The following CECR2 variants were observed in gnomAD, a reference collection of about 807,000 sequenced individuals.
The protein encoded by CECR2 is chromatin remodeling regulator CECR2.
Under a neutral mutation model 154.5 loss-of-function variants are expected in CECR2, and 30 were observed. The ratio of observed to expected loss-of-function variants is 0.19; its 90% CI spans 0.15 to 0.26. The LOEUF (loss-of-function observed/expected upper bound fraction) is 0.26, where lower values mean the gene tolerates loss of function less well. CECR2 is among the 10% of genes least tolerant of loss of function. The pLI is 1.00. For synonymous variants in CECR2, 725 were observed against 683.7 expected, an observed-to-expected ratio of 1.06 and a Z score of -0.94; for missense variants, 1,743 against 1,829.3, an observed-to-expected ratio of 0.95 and a Z score of 0.86.
rs1479951265 is a variant in CECR2 at position 17,552,041 on chromosome 22, C to T, written c.4288C>T (p.His1430Tyr). 1.9e-6 allele frequency: 3 copies of T among 1,613,826 alleles called. No individual in the cohort carries two copies. In the African/African-American group the frequency reaches 4.0e-5, roughly 22 times the overall value. Reference protein sequence around the residue: ...EMYRPSGMQMHPVQSQASFPK... With the variant: ...EMYRPSGMQMYPVQSQASFPK... ...TTCTCGTGGCTGTAGAATGCAGATGCACCCGGTCCAGTCGCAGGCCTCGTT... is the reference window on the plus strand; with the variant it reads ...TTCTCGTGGCTGTAGAATGCAGATGTACCCGGTCCAGTCGCAGGCCTCGTT... The change falls in exon 18 of 19, where the codon CAC (histidine) becomes TAC (tyrosine). Residue 1430 changes from histidine (H) to tyrosine (Y), a missense_variant. His to Tyr is a moderately conservative substitution (Grantham distance 83). Transcript: ENST00000262608.
intron 1 of CECR2, among the ~76,000 whole-genome samples, chr22:17,465,385 A>G (rs913889254): frequency 7.2e-5 from 11 of 152,048 alleles, no homozygotes; most frequent in African/African-American, 2.7e-4. Flanking sequence ...GCTGGAGTAC[A>G]GTGGCACAGT....
intron 1 of CECR2, among the ~76,000 whole-genome samples, chr22:17,423,364 G>C (rs918821288): frequency 6.6e-6 from 1 of 152,036 alleles, no homozygotes; most frequent in Non-Finnish European, 1.5e-5. Context: ...AAAATTAGTT[G>C]TGTGTGGTGG....
At chr22:17,366,260 C>T (rs567333272), upstream of CECR2, among the ~76,000 whole-genome samples, 2 of 152,316 alleles carry the variant, frequency 1.3e-5, no homozygotes, top group South Asian at 4.1e-4. Flanking sequence ...ACGATCTCCG[C>T]TCACTGCAAC....
chr22:17,469,376 CA>C, intron 1 of CECR2, among the ~76,000 whole-genome samples: 1 of 152,290 alleles, frequency 6.6e-6, no homozygotes. Flanking sequence ...ATTCAACACA[CA>C]CCACCCTTCT....
chr22:17,467,858 A>G (rs955581699), intron 1 of CECR2, among the ~76,000 whole-genome samples: 2 of 152,192 alleles, frequency 1.3e-5, no homozygotes, highest in African/African-American at 2.4e-5. Flanking sequence ...TCTCTTCTAC[A>G]CTACCCCATG....
At chr22:17,482,115 C>CAAAAAAAAAAAAAAAAA (rs869050391) in intron 2 of CECR2, among the ~76,000 whole-genome samples, 3 of 76,310 alleles carry the variant, frequency 3.9e-5, no homozygotes, top group African/African-American at 1.6e-4. Flanking sequence ...ACTCTGTCTC[C>CAAAAAAAAAAAAAAAAA]AAAAAAAAAA....
At chr22:17,551,023 C>T (rs114651796) in intron 17 of CECR2, among the ~76,000 whole-genome samples, 223 of 152,338 alleles carry the variant, frequency 1.5e-3, no homozygotes, top group African/African-American at 5.0e-3. Context: ...CAGTGCCATC[C>T]TGTCATCTTA....
At chr22:17,551,931 G>A (rs996911926) in intron 17 of CECR2, 100 bp from the exon 18 acceptor site, 22 of 1,083,550 alleles carry the variant, frequency 2.0e-5, no homozygotes, top group South Asian at 4.1e-5. Flanking sequence ...CCTGATCACC[G>A]GGGTGATGAA....
intron 7 of CECR2, among the ~76,000 whole-genome samples, chr22:17,511,085 C>T (rs1237161478): frequency 1.3e-5 from 2 of 152,138 alleles, no homozygotes; most frequent in African/African-American, 2.4e-5. Flanking sequence ...GCGGAAGTCA[C>T]GGAAGTTATG....
intron 1 of CECR2, among the ~76,000 whole-genome samples, chr22:17,384,241 C>G (rs1039721067): frequency 8.5e-5 from 13 of 152,156 alleles, no homozygotes; most frequent in Non-Finnish European, 1.9e-4. Context: ...TATTGCCTTA[C>G]AAAATGTATT....
chr22:17,467,305 A>G (rs1235981489), intron 1 of CECR2, among the ~76,000 whole-genome samples: 1 of 152,160 alleles, frequency 6.6e-6, no homozygotes, highest in East Asian at 1.9e-4. Flanking sequence ...AACAATCGGA[A>G]CACGTGTGAG....
At position 17,542,624 on chromosome 22, in the gene CECR2, A is replaced by G. The variant is rs774434745; in HGVS notation, c.2481A>G (p.Ser827=). The G allele has an allele frequency of 1.9e-6, 3 of 1,613,986 alleles. No individual in the cohort carries two copies. The highest frequency in any genetic ancestry group is 2.5e-6 in the Non-Finnish European group (3 of 1,179,878). The change falls in exon 16 of 19, where the codon TCA becomes TCG. Residue 827 remains serine, a synonymous_variant. Transcript: ENST00000262608. ...CCCCCAACCAGTGGACTGAACAATCAGGCTTCCTACCTCATGGAGTTCCTT... is the reference window on the plus strand; with the variant it reads ...CCCCCAACCAGTGGACTGAACAATCGGGCTTCCTACCTCATGGAGTTCCTT... ...PVPPNQWTEQ[S]GFLPHGVPSS... is the part of the protein sequence containing the mutation.
chr22:17,497,020 G>A (rs2055641726), intron 2 of CECR2, among the ~76,000 whole-genome samples: 2 of 152,124 alleles, frequency 1.3e-5, no homozygotes, highest in South Asian at 4.1e-4. Context: ...TGGGCCAAGC[G>A]TGTTACCTCA....
chr22:17,523,138 C>G (rs1055764992), intron 8 of CECR2, among the ~76,000 whole-genome samples: 8 of 151,986 alleles, frequency 5.3e-5, no homozygotes, highest in African/African-American at 1.7e-4. Context: ...TGGAGTATTA[C>G]GCCTGTAATC....
intron 1 of CECR2, among the ~76,000 whole-genome samples, chr22:17,410,455 T>C (rs1406459445): frequency 2.0e-5 from 3 of 151,944 alleles, no homozygotes; most frequent in Admixed American, 1.3e-4. Flanking sequence ...TTTTGTTTTG[T>C]TTTTTGTTTT....
intron 6 of CECR2, 114 bp from the exon 7 acceptor site, chr22:17,504,733 G>T: frequency 1.1e-6 from 1 of 897,780 alleles, no homozygotes; most frequent in South Asian, 1.7e-5. Flanking sequence ...GAGCCACCGC[G>T]CCCGGCCGAG....
chr22:17,370,261 C>A (rs1457667340), intron 1 of CECR2, among the ~76,000 whole-genome samples: 1 of 147,886 alleles, frequency 6.8e-6, no homozygotes, highest in East Asian at 2.0e-4. Flanking sequence ...GAGGGCTGCG[C>A]GCGCTCGCCG....
intron 1 of CECR2, among the ~76,000 whole-genome samples, chr22:17,430,639 C>T (rs1468457261): frequency 6.6e-6 from 1 of 152,140 alleles, no homozygotes; most frequent in Admixed American, 6.5e-5. Flanking sequence ...TCATCCTAAG[C>T]CTGACTTGTA....
intron 1 of CECR2, among the ~76,000 whole-genome samples, chr22:17,388,860 C>G (rs1249208047): frequency 6.6e-6 from 1 of 152,102 alleles, no homozygotes; most frequent in Non-Finnish European, 1.5e-5. Context: ...GTCGCCCAGG[C>G]TGGAGTGCAG....
Sources: allele counts gnomAD v4.1 joint callset (sites outside exome capture counted in the v4.1 genomes callset), GRCh38; gene constraint gnomAD v4.1.1; transcripts MANE v1.5; gene names NCBI Gene and HGNC (gene_info 2026-07-23, HGNC 2026-07-21).